The following SEMA7A variants were observed in gnomAD, a reference collection of about 807,000 sequenced individuals.
SEMA7A encodes the protein semaphorin-7A.
In SEMA7A, 21 loss-of-function variants were observed where a neutral mutation model predicts 67.5. The observed-to-expected ratio is 0.31, with a 90% CI of 0.22 to 0.45. The LOEUF is 0.45. Among genes scored for constraint, SEMA7A ranks in the 20% least tolerant of loss-of-function variants. SEMA7A has a pLI of 1.00. For synonymous variants in SEMA7A, 364 were observed against 368.5 expected (o/e 0.99, Z 0.14); for missense variants, 774 against 908.6 (o/e 0.85, Z 1.90).
chr15:74,416,684 TGC>T lies in SEMA7A; in HGVS notation c.690_691del (p.His231ProfsTer7). 6.2e-7 allele frequency: 1 copy of T among 1,614,096 alleles called. No homozygotes were observed. Among genetic ancestry groups the T allele is most frequent in the Non-Finnish European group, 8.5e-7 (1 of 1,179,982 alleles). On this transcript the variant is annotated frameshift_variant, in exon 7 of 14. Coordinates refer to ENST00000261918, the MANE Select transcript of SEMA7A (RefSeq NM_003612.5). LOFTEE classifies it high-confidence loss of function. The stretch of plus-strand genomic sequence containing the variant: ...CTTGTCATCGTAAGCCTGGTCTTGG[TGC>T]ACGATGGTGGCTTTGATGAACTGTG...
At chr15:74,419,977 A>C (rs1373965055) in intron 1 of SEMA7A, among the ~76,000 whole-genome samples, 3 of 152,148 alleles carry the variant, frequency 2.0e-5, no homozygotes, top group Non-Finnish European at 4.4e-5. Flanking sequence ...TGCCCCCAGC[A>C]ATCAGCCACA....
chr15:74,430,977 T>C (rs11855262), intron 1 of SEMA7A, among the ~76,000 whole-genome samples: 28,496 of 152,140 alleles, frequency 0.19, 5,230 homozygotes, highest in African/African-American at 0.48. Flanking sequence ...GGGATATGGG[T>C]TCTGTTTCCC....
chr15:74,433,527 C>T (rs1404222115), intron 1 of SEMA7A: 3 of 1,202,846 alleles, frequency 2.5e-6, no homozygotes, highest in Admixed American at 4.4e-5. Context: ...GCCCCCGCCG[C>T]TCGCTCGCCG....
rs200205962 is a variant in SEMA7A at position 74,417,904 on chromosome 15, G to A, written c.438C>T (p.Asn146=). ...GGTTCCAGCAGCTGGGGTGCCGGGC[G>A]TTGGTGCCACAGGCCAGCAGCCCCT... ...RSEGLLACGT[N]ARHPSCWNLV... Residue 146 remains asparagine, a synonymous_variant, in exon 4 of 14, where the codon AAC becomes AAT. Coordinates refer to ENST00000261918, the MANE Select transcript of SEMA7A (RefSeq NM_003612.5). The A allele has an allele frequency of 5.7e-5, 92 of 1,613,422 alleles. No individual in the cohort carries two copies. Among genetic ancestry groups the A allele is most frequent in the Middle Eastern group, 1.6e-4 (1 of 6,062 alleles).
At chr15:74,416,545 G>T in intron 7 of SEMA7A, 30 bp downstream of exon 7, 1 of 1,609,260 alleles carries the variant, frequency 6.2e-7, no homozygotes, top group East Asian at 2.2e-5. Flanking sequence ...GCACAGACAC[G>T]TAGCCAGCAG....
chr15:74,425,568 G>A (rs899943182), intron 1 of SEMA7A, among the ~76,000 whole-genome samples: 14 of 152,338 alleles, frequency 9.2e-5, no homozygotes, highest in African/African-American at 3.4e-4. Flanking sequence ...GGCTAATGAA[G>A]TCCTGACCTC....
At chr15:74,417,526 AC>A in intron 5 of SEMA7A, 64 bp downstream of exon 5, 1 of 1,583,382 alleles carries the variant, frequency 6.3e-7, no homozygotes, top group Non-Finnish European at 8.7e-7. Flanking sequence ...CAAAGAGCTG[AC>A]CACTCCTCTC....
At chr15:74,417,293 C>A in intron 6 of SEMA7A, 42 bp downstream of exon 6, 1 of 1,502,928 alleles carries the variant, frequency 6.7e-7, no homozygotes, top group Non-Finnish European at 9.3e-7. Flanking sequence ...TAAGTGCTCA[C>A]ACCCCCTTGC....
chr15:74,417,702 G>T, intron 4 of SEMA7A, 27 bp from the exon 5 acceptor site: 2 of 1,591,812 alleles, frequency 1.3e-6, no homozygotes, highest in African/African-American at 1.3e-5. Flanking sequence ...GGGTTGGATG[G>T]CCACATAATC....
At chr15:74,431,834 A>C (rs1490298815) in intron 1 of SEMA7A, among the ~76,000 whole-genome samples, 1 of 151,936 alleles carries the variant, frequency 6.6e-6, no homozygotes, top group Non-Finnish European at 1.5e-5. Flanking sequence ...GAGACCACAG[A>C]CTGTCGTTGG....
intron 5 of SEMA7A, 23 bp downstream of exon 5, chr15:74,417,568 C>T (rs186938241): frequency 1.6e-5 from 25 of 1,604,408 alleles, no homozygotes; most frequent in African/African-American, 1.3e-4. Flanking sequence ...CCCCCTGGGG[C>T]GCCTGCTCCA....
At chr15:74,417,827 C>G (rs766906808) in intron 4 of SEMA7A, 50 bp downstream of exon 4, 1 of 1,596,848 alleles carries the variant, frequency 6.3e-7, no homozygotes, top group African/African-American at 1.3e-5. Context: ...GGCAGAAGCC[C>G]ACGCAGTAGA....
In SEMA7A at chr15:74,411,666, G is replaced by A. The variant is rs994108747; in HGVS notation, c.1467C>T (p.Pro489=). Residue 489 remains proline (P), a synonymous_variant, in exon 12 of 14, where the codon CCC becomes CCT. Coordinates refer to ENST00000261918, the MANE Select transcript of SEMA7A (RefSeq NM_003612.5). The surrounding 1 kb of genome is among the most constrained non-coding windows in gnomAD (Gnocchi z 4.4). ...CGCCATAGACCTCACACAGGTCCAGGGGCACCTGGCTCACCTCCCACTGGG... is the reference window on the plus strand; with the variant it reads ...CGCCATAGACCTCACACAGGTCCAGAGGCACCTGGCTCACCTCCCACTGGG... ...VSSQWEVSQV[P]LDLCEVYGGG... is the part of the protein sequence containing the mutation. 3.1e-6 allele frequency: 5 copies of A among 1,613,536 alleles called. No individual in the cohort carries two copies. The highest frequency in any genetic ancestry group is 4.2e-6 in the Non-Finnish European group (5 of 1,180,004).
rs1217099197 is a variant in SEMA7A, at chr15:74,411,946, A to G, written c.1361T>C (p.Met454Thr). 8 of 1,614,004 alleles carry G rather than the reference A, an allele frequency of 5.0e-6. No homozygotes were observed. The highest frequency in any genetic ancestry group is 6.8e-6 in the Non-Finnish European group (8 of 1,180,018). ...CGCGCGGCGGAAGGGCTGGATCTCC[A>G]TGATGTTGAAGGCGAAGCTGTGCTC... ...EQEHSFAFNI[M>T]EIQPFRRAAA... is the part of the protein sequence containing the mutation. The change falls in exon 11 of 14, where the codon ATG becomes ACG. Residue 454 changes from methionine (M) to threonine (T), a missense_variant. Physicochemically the swap from Met to Thr is moderately conservative, Grantham distance 81. Around this residue, in one of 2 missense-constraint regions of SEMA7A, gnomAD observed 427 missense variants for 555.4 expected, o/e 0.77. Coordinates refer to ENST00000261918, the MANE Select transcript of SEMA7A (RefSeq NM_003612.5). The surrounding 1 kb of genome is among the most constrained non-coding windows in gnomAD (Gnocchi z 4.4).
intron 1 of SEMA7A, among the ~76,000 whole-genome samples, chr15:74,433,208 C>T (rs1358119090): frequency 2.8e-5 from 4 of 145,120 alleles, no homozygotes; most frequent in Admixed American, 7.6e-5. Context: ...GCCCGAGCTC[C>T]GGGCCGGGGC....
chr15:74,413,970 C>G (rs1353334009), intron 10 of SEMA7A, among the ~76,000 whole-genome samples: 1 of 152,186 alleles, frequency 6.6e-6, no homozygotes, highest in Non-Finnish European at 1.5e-5. Flanking sequence ...GGAGCATCTC[C>G]CACGGCATTC....
At chr15:74,416,524 G>A (rs1596190655) in intron 7 of SEMA7A, 51 bp downstream of exon 7, 1 of 1,592,986 alleles carries the variant, frequency 6.3e-7, no homozygotes, top group African/African-American at 1.3e-5. Flanking sequence ...CCCTCACTCA[G>A]GCCTATTCAT....
rs2060887963 is a variant in SEMA7A, at chr15:74,410,272, T to G, written c.*352A>C. 4.1e-6 allele frequency: 1 copy of G among 246,458 alleles called. No homozygotes were observed. Among genetic ancestry groups the G allele is most frequent in the African/African-American group, 2.3e-5 (1 of 44,400 alleles). 15.3% of individuals were successfully genotyped at this position (246,458 alleles called of 1,614,324 possible). On this transcript the variant is annotated 3_prime_UTR_variant, in exon 14 of 14. Coordinates refer to ENST00000261918, the MANE Select transcript of SEMA7A (RefSeq NM_003612.5). This position sits in a 1 kb window ranked among gnomAD's most constrained non-coding sequence, Gnocchi z 7.5. ...CAGGGTCGAGATGGAGTCCCAGCTCTCCTATCCAAACCCACTCCCCGACCC... is the reference window on the plus strand; with the variant it reads ...CAGGGTCGAGATGGAGTCCCAGCTCGCCTATCCAAACCCACTCCCCGACCC...
chr15:74,412,272 C>G (rs142802063), intron 10 of SEMA7A, among the ~76,000 whole-genome samples: 1 of 152,174 alleles, frequency 6.6e-6, no homozygotes, highest in South Asian at 2.1e-4. Context: ...CAAGGCTGCA[C>G]GGGAAGAACA....
Sources: gnomAD v4.1 joint callset for allele counts (sites outside exome capture counted in the v4.1 genomes callset) on GRCh38, gnomAD v4.1.1 for gene constraint, gnomAD v4.1.1 regional missense constraint, Gnocchi (gnomAD v3.1) non-coding constraint, MANE v1.5 for transcripts, NCBI Gene and HGNC (gene_info 2026-07-23, HGNC 2026-07-21) for gene names.